OR2H2: variants seen among roughly 807,000 people sequenced by gnomAD.
OR2H2 encodes olfactory receptor family 2 subfamily H member 2, also known as olfactory receptor 2H2.
For synonymous variants in OR2H2, 146 were observed against 132.4 expected, an observed-to-expected ratio of 1.10 and a Z score of -0.71; for missense variants, 295 against 313.7, an observed-to-expected ratio of 0.94 and a Z score of 0.45.
In OR2H2 at chr6:29,589,938, T is replaced by A. The variant is rs1345796846; in HGVS notation, c.*1055T>A. ...TCAGAACACTTACATTAGCCTACAG[T>A]TCAGCAAAATCCTCAATACAAAGTC... On this transcript the variant is annotated 3_prime_UTR_variant, in exon 2 of 2. Transcript: ENST00000641840. 6.6e-6 allele frequency: 1 copy of A among 152,156 alleles called. No individual in the cohort carries two copies. Among genetic ancestry groups the A allele is most frequent in the Non-Finnish European group, 1.5e-5 (1 of 68,024 alleles). 9.4% of individuals were successfully genotyped at this position (152,156 alleles called of 1,614,324 possible).
chr6:29,587,029 T>G (rs1461340236), intron 1 of OR2H2, among the ~76,000 whole-genome samples: 1 of 152,164 alleles, frequency 6.6e-6, no homozygotes, highest in Non-Finnish European at 1.5e-5. Context: ...CCCAACCAAA[T>G]TGGTCAGTCA....
In OR2H2 at chr6:29,585,185, C is replaced by G. The variant is rs1397537523; in HGVS notation, c.-441C>G. 6.6e-6 allele frequency: 1 copy of G among 152,252 alleles called. No homozygotes were observed. Among genetic ancestry groups the G allele is most frequent in the Non-Finnish European group, 1.5e-5 (1 of 68,048 alleles). The allele number at this position is 152,252 out of a possible 1,614,324, so 9.4% of individuals were successfully genotyped here. On this transcript the variant is annotated 5_prime_UTR_variant, in exon 1 of 2. Coordinates refer to ENST00000641840, the MANE Select transcript of OR2H2 (RefSeq NM_007160.4). ...GCTTAGAAAAGTGCCAGATGGTCAG[C>G]ATTAGCAATCCCTATTGTGACCAGA...
In OR2H2 at chr6:29,590,251, G is replaced by C. The variant is rs146360992; in HGVS notation, c.*1368G>C. The C allele has an allele frequency of 1.3e-5, 2 of 152,250 alleles. No individual in the cohort carries two copies. The highest frequency in any genetic ancestry group is 4.8e-5 in the African/African-American group (2 of 41,538). 9.4% of individuals were successfully genotyped at this position (152,250 alleles called of 1,614,324 possible). ...TATGTTACCACTTGCAAATGTGCAA[G>C]ACAGGATTTGAACCCAGGAAAACTG... On this transcript the variant is annotated 3_prime_UTR_variant, in exon 2 of 2. Coordinates refer to ENST00000641840, the MANE Select transcript of OR2H2 (RefSeq NM_007160.4).
chr6:29,586,009 A>T (rs1760227426), intron 1 of OR2H2, among the ~76,000 whole-genome samples: 1 of 152,220 alleles, frequency 6.6e-6, no homozygotes, highest in Non-Finnish European at 1.5e-5. Context: ...TATTACAAAG[A>T]AAACAAAGGA....
In OR2H2 at chr6:29,588,195, G is replaced by A. The variant is rs1050073309; in HGVS notation, c.251G>A (p.Trp84Ter). The change falls in exon 2 of 2, where the codon TGG becomes TAG. Residue 84 changes from tryptophan to a stop codon, truncating the protein, a stop_gained. Transcript: ENST00000641840. LOFTEE classifies it low-confidence loss of function (END_TRUNC). ...GTTCCCCAAATGCTGGTCAACCTCT[G>A]GGGCCCAAAGAAGACCATCAGCTTC... ...SCVPQMLVNL[W>*]GPKKTISFLD... 2 of 1,486,814 alleles carry A rather than the reference G, an allele frequency of 1.3e-6. No individual in the cohort carries two copies. Among genetic ancestry groups the A allele is most frequent in the Admixed American group, 1.7e-5 (1 of 59,850 alleles). The allele number at this position is 1,486,814 out of a possible 1,614,324, so 92.1% of individuals were successfully genotyped here. A position where few individuals can be genotyped will look rare whatever the true frequency, so the allele number is the denominator to read the frequency against.
In OR2H2 at chr6:29,588,873, C is replaced by T. The variant is rs1760489620; in HGVS notation, c.929C>T (p.Thr310Ile). Residue 310 changes from threonine (T) to isoleucine (I), a missense_variant, in exon 2 of 2, where the codon ACA becomes ATA. By Grantham distance (89) the Thr-to-Ile change is moderately conservative. Coordinates refer to ENST00000641840, the MANE Select transcript of OR2H2 (RefSeq NM_007160.4). ...RRLLGKEMGLTQS is the reference protein window; with the variant it reads ...RRLLGKEMGLIQS ...TTGCTGGGGAAGGAAATGGGGCTCA[C>T]ACAAAGCTGAGGGAGAGCTGCTTAA... 2 of 796,694 alleles carry T rather than the reference C, an allele frequency of 2.5e-6. No individual in the cohort carries two copies. Among genetic ancestry groups the T allele is most frequent in the Non-Finnish European group, 4.6e-6 (2 of 433,474 alleles). The allele number at this position is 796,694 out of a possible 1,614,324, so 49.4% of individuals were successfully genotyped here.
Position 29,587,866 on chromosome 6 carries a change from C to A in OR2H2, c.-79C>A. ...TACCTGCTGTGACCTCACAAACACC[C>A]AGGCTGAGTTTTGATAAGACAGGTT... On this transcript the variant is annotated 5_prime_UTR_variant, in exon 2 of 2. Transcript: ENST00000641840. 1 of 694,442 alleles carries A rather than the reference C, an allele frequency of 1.4e-6. No homozygotes were observed. The highest frequency in any genetic ancestry group is 1.7e-5 in the South Asian group (1 of 59,186). The allele number at this position is 694,442 out of a possible 1,614,324, so 43.0% of individuals were successfully genotyped here.
rs1317148688 is a variant in OR2H2, at chr6:29,588,127, C to A, written c.183C>A (p.Leu61=). The part of the protein sequence containing the change: ...PKLHSPMYFF[L]SNLSFLDLCF... ...TCCACTCTCCAATGTACTTTTTCCTCTCCAACCTCTCCTTCTTGGACCTCT... is the reference window on the plus strand; with the variant it reads ...TCCACTCTCCAATGTACTTTTTCCTATCCAACCTCTCCTTCTTGGACCTCT... The change falls in exon 2 of 2, where the codon CTC becomes CTA. Residue 61 remains leucine (L), a synonymous_variant. Coordinates refer to ENST00000641840, the MANE Select transcript of OR2H2 (RefSeq NM_007160.4). 9.1e-7 allele frequency: 1 copy of A among 1,093,966 alleles called. No individual in the cohort carries two copies. The allele number at this position is 1,093,966 out of a possible 1,614,324, so 67.8% of individuals were successfully genotyped here. A position where few individuals can be genotyped will look rare whatever the true frequency, so the allele number is the denominator to read the frequency against.
chr6:29,588,457 G>A lies in OR2H2; in HGVS notation c.513G>A (p.Gln171=). ...ACCTGCCCTTCTGCCCCGATCGGCA[G>A]GTGGATGATTTTGTCTGTGAGGTCC... ...TLHLPFCPDR[Q]VDDFVCEVPA... Residue 171 remains glutamine, a synonymous_variant, in exon 2 of 2, where the codon CAG becomes CAA. Transcript: ENST00000641840. The A allele has an allele frequency of 1.5e-6, 2 of 1,322,638 alleles. No homozygotes were observed. Among genetic ancestry groups the A allele is most frequent in the Non-Finnish European group, 2.2e-6 (2 of 914,664 alleles). The allele number at this position is 1,322,638 out of a possible 1,614,324, so 81.9% of individuals were successfully genotyped here.
rs1338642888 is a variant in OR2H2, at chr6:29,590,121, C to T, written c.*1238C>T. Reference sequence around the variant, plus strand: ...GTCAAAAAATGGTCAAAGTCAGGAACCCCCTGCAATTTACACATATTGACT... The same window carrying T: ...GTCAAAAAATGGTCAAAGTCAGGAATCCCCTGCAATTTACACATATTGACT... On this transcript the variant is annotated 3_prime_UTR_variant, in exon 2 of 2. Coordinates refer to ENST00000641840, the MANE Select transcript of OR2H2 (RefSeq NM_007160.4). 1 of 152,164 alleles carries T rather than the reference C, an allele frequency of 6.6e-6. No individual in the cohort carries two copies. The highest frequency in any genetic ancestry group is 1.5e-5 in the Non-Finnish European group (1 of 68,020). The allele number at this position is 152,164 out of a possible 1,614,324, so 9.4% of individuals were successfully genotyped here. A position where few individuals can be genotyped will look rare whatever the true frequency, so the allele number is the denominator to read the frequency against.
intron 1 of OR2H2, among the ~76,000 whole-genome samples, chr6:29,586,931 A>G (rs944668860): frequency 2.6e-5 from 4 of 151,880 alleles, no homozygotes; most frequent in African/African-American, 4.8e-5. Flanking sequence ...TCCCACCCCC[A>G]GCCCTCAACT....
intron 1 of OR2H2, among the ~76,000 whole-genome samples, chr6:29,586,485 T>TAAAAAAA (rs771489542): frequency 4.9e-5 from 4 of 82,430 alleles, no homozygotes; most frequent in African/African-American, 1.9e-4. Flanking sequence ...AACGTGACTC[T>TAAAAAAA]AAAAAAAAAA....
At position 29,588,693 on chromosome 6, in the gene OR2H2, A is replaced by G. The variant is rs1230330708; in HGVS notation, c.749A>G (p.Tyr250Cys). ...CATCTCACTGTGGTCACCCTCTTCT[A>G]CAGCTCAGTCATTGCTGTCTACCTC... is the stretch of plus-strand genomic sequence containing the variant. ...SSHLTVVTLF[Y>C]SSVIAVYLQP... The change falls in exon 2 of 2, where the codon TAC becomes TGC. Residue 250 changes from tyrosine to cysteine, a missense_variant. By Grantham distance (194) the Tyr-to-Cys change is radical. Transcript: ENST00000641840. 3 of 1,505,914 alleles carry G rather than the reference A, an allele frequency of 2.0e-6. No homozygotes were observed. Among genetic ancestry groups the G allele is most frequent in the African/African-American group, 2.8e-5 (2 of 72,594 alleles). The allele number at this position is 1,505,914 out of a possible 1,614,324, so 93.3% of individuals were successfully genotyped here.
At chr6:29,587,104 T>C (rs1302057501) in intron 1 of OR2H2, among the ~76,000 whole-genome samples, 1 of 152,216 alleles carries the variant, frequency 6.6e-6, no homozygotes, top group Non-Finnish European at 1.5e-5. Context: ...AATTTTGGAC[T>C]CTCTTTTTGG....
rs1760410346 is a variant in OR2H2 at position 29,588,165 on chromosome 6, G to C, written c.221G>C (p.Ser74Thr). Reference sequence around the variant, plus strand: ...TTCTTGGACCTCTGTTTCACCACGAGTTGTGTTCCCCAAATGCTGGTCAAC... The same window carrying C: ...TTCTTGGACCTCTGTTTCACCACGACTTGTGTTCCCCAAATGCTGGTCAAC... Reference protein sequence around the residue: ...LSFLDLCFTTSCVPQMLVNLW... With the variant: ...LSFLDLCFTTTCVPQMLVNLW... Residue 74 changes from serine to threonine, a missense_variant, in exon 2 of 2, where the codon AGT becomes ACT. Ser to Thr is a moderately conservative substitution (Grantham distance 58). Transcript: ENST00000641840. 1.5e-6 allele frequency: 2 copies of C among 1,330,714 alleles called. No homozygotes were observed. The highest frequency in any genetic ancestry group is 1.1e-6 in the Non-Finnish European group (1 of 922,258). The allele number at this position is 1,330,714 out of a possible 1,614,324, so 82.4% of individuals were successfully genotyped here.
intron 1 of OR2H2, among the ~76,000 whole-genome samples, chr6:29,586,346 C>A (rs1760250254): frequency 6.6e-6 from 1 of 152,080 alleles, no homozygotes; most frequent in African/African-American, 2.4e-5. Context: ...CAAAAATTAG[C>A]TAGGCATGGT....
Position 29,588,184 on chromosome 6 carries a change from G to A in OR2H2, c.240G>A (p.Leu80=). ...CCACGAGTTGTGTTCCCCAAATGCT[G>A]GTCAACCTCTGGGGCCCAAAGAAGA... The part of the protein sequence containing the change: ...CFTTSCVPQM[L]VNLWGPKKTI... Residue 80 remains leucine (L), a synonymous_variant, in exon 2 of 2, where the codon CTG becomes CTA. Coordinates refer to ENST00000641840, the MANE Select transcript of OR2H2 (RefSeq NM_007160.4). 2.1e-6 allele frequency: 3 copies of A among 1,450,566 alleles called. No homozygotes were observed. The highest frequency in any genetic ancestry group is 2.9e-6 in the Non-Finnish European group (3 of 1,032,074). The allele number at this position is 1,450,566 out of a possible 1,614,324, so 89.9% of individuals were successfully genotyped here.
In OR2H2 at chr6:29,590,234, C is replaced by T. The variant is rs566855038; in HGVS notation, c.*1351C>T. 3 of 152,244 alleles carry T rather than the reference C, an allele frequency of 2.0e-5. No homozygotes were observed. In the East Asian group the frequency reaches 5.8e-4, roughly 29 times the overall value. 9.4% of individuals were successfully genotyped at this position (152,244 alleles called of 1,614,324 possible). A position where few individuals can be genotyped will look rare whatever the true frequency, so the allele number is the denominator to read the frequency against. ...AACTAAAACACAGAATTTATGTTAC[C>T]ACTTGCAAATGTGCAAGACAGGATT... is the stretch of plus-strand genomic sequence containing the variant. On this transcript the variant is annotated 3_prime_UTR_variant, in exon 2 of 2. Transcript: ENST00000641840.
chr6:29,586,178 A>T (rs1760238748), intron 1 of OR2H2, among the ~76,000 whole-genome samples: 1 of 152,234 alleles, frequency 6.6e-6, no homozygotes. Flanking sequence ...ATCTCAAAAA[A>T]TGAAAGCGAA....
Sources: gnomAD v4.1 joint callset for allele counts (sites outside exome capture counted in the v4.1 genomes callset) on GRCh38, gnomAD v4.1.1 for gene constraint, MANE v1.5 for transcripts, NCBI Gene and HGNC (gene_info 2026-07-23, HGNC 2026-07-21) for gene names.